Variants in CHCHD3 observed in about 807,000 individuals in gnomAD.
CHCHD3 encodes coiled-coil-helix-coiled-coil-helix domain containing 3, also known as MICOS complex subunit MIC19.
A neutral mutation model predicts 38.2 loss-of-function variants in CHCHD3; 20 were observed. That is an observed-to-expected ratio of 0.52 (90% CI 0.37 to 0.76). The LOEUF (loss-of-function observed/expected upper bound fraction) is 0.76, where lower values mean the gene tolerates loss of function less well. Among genes scored for constraint, CHCHD3 ranks in the 30% least tolerant of loss-of-function variants. The pLI is 0.00. For synonymous variants in CHCHD3, 82 were observed against 100.0 expected (o/e 0.82, Z 1.07); for missense variants, 245 against 279.2 (o/e 0.88, Z 0.87).
chr7:133,081,088 A>C (rs923768358), intron 1 of CHCHD3, among the ~76,000 whole-genome samples: 1 of 152,188 alleles, frequency 6.6e-6, no homozygotes. Context: ...TATCAGGTGC[A>C]TGCAAAGGGC....
At chr7:132,928,689 T>TC (rs761143815) in intron 4 of CHCHD3, among the ~76,000 whole-genome samples, 8 of 151,972 alleles carry the variant, frequency 5.3e-5, no homozygotes, top group Non-Finnish European at 1.2e-4. Flanking sequence ...AGAGCAAGAC[T>TC]CCATCAAAAA....
chr7:132,851,244 T>C (rs1046843680), intron 5 of CHCHD3, among the ~76,000 whole-genome samples: 10 of 152,214 alleles, frequency 6.6e-5, no homozygotes, highest in Non-Finnish European at 1.2e-4. Flanking sequence ...CCTGGGCATG[T>C]ATAATTTTTA....
intron 5 of CHCHD3, among the ~76,000 whole-genome samples, chr7:132,841,410 A>C (rs1384507824): frequency 6.9e-6 from 1 of 145,476 alleles, no homozygotes; most frequent in African/African-American, 2.5e-5. Context: ...TCAAAAAAAA[A>C]AAAACAAACA....
intron 4 of CHCHD3, among the ~76,000 whole-genome samples, chr7:132,893,640 A>G (rs569103292): frequency 6.6e-6 from 1 of 152,296 alleles, no homozygotes; most frequent in South Asian, 2.1e-4. Flanking sequence ...AATCTCCATA[A>G]TCTCCACGTG....
chr7:132,796,650 T>A, intron 6 of CHCHD3, 73 bp from the exon 7 acceptor site: 1 of 1,343,792 alleles, frequency 7.4e-7, no homozygotes, highest in Non-Finnish European at 1.0e-6. Flanking sequence ...AAAGAACACA[T>A]AAAACGCACA....
rs1813633755 is a variant in CHCHD3, at chr7:133,035,190, G to A, written c.170-10563C>T. The A allele has an allele frequency of 1.2e-6, 2 of 1,613,696 alleles. No homozygotes were observed. The highest frequency in any genetic ancestry group is 1.7e-6 in the Non-Finnish European group (2 of 1,179,706). On this transcript the variant is annotated intron_variant, in intron 2 of 7. Transcript: ENST00000262570. This position sits in a 1 kb window ranked among gnomAD's most constrained non-coding sequence, Gnocchi z 4.7. Reference sequence around the variant, plus strand: ...TTTCTCCTCCTTCCGCTCAGCCTGGGGCTTCTGCTTCTCTTCCCGTGAACC... The same window carrying A: ...TTTCTCCTCCTTCCGCTCAGCCTGGAGCTTCTGCTTCTCTTCCCGTGAACC...
At chr7:133,015,271 A>T (rs930302984) in intron 3 of CHCHD3, among the ~76,000 whole-genome samples, 3 of 152,060 alleles carry the variant, frequency 2.0e-5, no homozygotes, top group African/African-American at 7.2e-5. Flanking sequence ...TGAACCCAGG[A>T]GGCGGAGGTT....
intron 3 of CHCHD3, among the ~76,000 whole-genome samples, chr7:132,992,082 G>A (rs1353812822): frequency 6.6e-6 from 1 of 152,148 alleles, no homozygotes; most frequent in Non-Finnish European, 1.5e-5. Context: ...GTCCCTACTA[G>A]GACCCATCAA....
At chr7:132,812,213 T>C (rs1248655995) in intron 6 of CHCHD3, among the ~76,000 whole-genome samples, 12 of 138,034 alleles carry the variant, frequency 8.7e-5, no homozygotes, top group African/African-American at 1.4e-4. Flanking sequence ...TTTTTTTTTT[T>C]TTTTTTTTTT....
At chr7:132,986,803 G>A (rs1434338926) in intron 3 of CHCHD3, among the ~76,000 whole-genome samples, 1 of 152,222 alleles carries the variant, frequency 6.6e-6, no homozygotes, top group African/African-American at 2.4e-5. Flanking sequence ...CAAGTACAAA[G>A]ATTTAAGATA....
In CHCHD3 at chr7:133,035,435, G is replaced by A; in HGVS notation, c.170-10808C>T. 6.2e-7 allele frequency: 1 copy of A among 1,613,530 alleles called. No homozygotes were observed. The highest frequency in any genetic ancestry group is 8.5e-7 in the Non-Finnish European group (1 of 1,179,504). On this transcript the variant is annotated intron_variant, in intron 2 of 7. Coordinates refer to ENST00000262570, the MANE Select transcript of CHCHD3 (RefSeq NM_017812.4). The surrounding 1 kb of genome is among the most constrained non-coding windows in gnomAD (Gnocchi z 4.7). ...GCCACAACAGGGTGCAGACAACTGT[G>A]ATGTCAGCCAATGTCACTCGTTCGC...
At chr7:133,056,388 C>G (rs1223130300) in intron 2 of CHCHD3, among the ~76,000 whole-genome samples, 1 of 152,126 alleles carries the variant, frequency 6.6e-6, no homozygotes, top group Non-Finnish European at 1.5e-5. Flanking sequence ...TCCTCGCCCC[C>G]ACCACCAATT....
Position 132,988,284 on chromosome 7 carries a change from T to TACAC in CHCHD3, c.252-13002_252-12999dup, listed in dbSNP as rs753504672. Reference sequence around the variant, plus strand: ...TCAGAGCCTGCATTCTTACAGAAAATACACACACACACACACCCACACACA... The same window carrying TACAC: ...TCAGAGCCTGCATTCTTACAGAAAATACACACACACACACACACACCCACACACA... On this transcript the variant is annotated intron_variant, in intron 3 of 7. Transcript: ENST00000262570. 9.9e-4 allele frequency among the ~76,000 whole-genome samples: 141 copies of TACAC among 142,258 alleles called. No individual in the cohort carries two copies. The East Asian group carries it at 0.024, about 24-fold the overall frequency. The allele number at this position is 142,258 out of a possible 152,430, so 93.3% of individuals were successfully genotyped here. A position where few individuals can be genotyped will look rare whatever the true frequency, so the allele number is the denominator to read the frequency against.
intron 5 of CHCHD3, among the ~76,000 whole-genome samples, chr7:132,850,969 T>C (rs1808207380): frequency 1.3e-5 from 2 of 152,190 alleles, no homozygotes; most frequent in Admixed American, 1.3e-4. Flanking sequence ...TAGCTATTTG[T>C]GTCAGACAAT....
At chr7:132,970,083 C>T (rs1811574280) in intron 4 of CHCHD3, among the ~76,000 whole-genome samples, 1 of 152,132 alleles carries the variant, frequency 6.6e-6, no homozygotes, top group South Asian at 2.1e-4. Flanking sequence ...AGGGTTAAGT[C>T]GTGAATCCCC....
At chr7:133,027,387 A>AGAGAGAGAG in intron 2 of CHCHD3, among the ~76,000 whole-genome samples, 1 of 59,306 alleles carries the variant, frequency 1.7e-5, no homozygotes, top group South Asian at 1.1e-3. Context: ...GAGAGAGAGA[A>AGAGAGAGAG]AGAGAGAGAG....
rs144774733 is a variant in CHCHD3, at chr7:132,992,284, G to A, written c.252-16998C>T. Among the ~76,000 whole-genome samples, 537 of 152,192 alleles carry A rather than the reference G, an allele frequency of 3.5e-3. 5 individuals carry two copies. The highest frequency in any genetic ancestry group is 0.013 in the African/African-American group (525 of 41,508). Reference sequence around the variant, plus strand: ...AATCAGCCTCAGTGCACCCCATTCTGGAGACACTGACCCTACCTACTGGCA... The same window carrying A: ...AATCAGCCTCAGTGCACCCCATTCTAGAGACACTGACCCTACCTACTGGCA... On this transcript the variant is annotated intron_variant, in intron 3 of 7. Coordinates refer to ENST00000262570, the MANE Select transcript of CHCHD3 (RefSeq NM_017812.4).
chr7:132,974,127 A>G, intron 4 of CHCHD3: 1 of 861,274 alleles, frequency 1.2e-6, no homozygotes, highest in East Asian at 6.4e-5. Flanking sequence ...ATGTTCAGTG[A>G]CATAGGAAAA....
chr7:132,979,350 C>A (rs1811856399), intron 3 of CHCHD3, among the ~76,000 whole-genome samples: 2 of 152,098 alleles, frequency 1.3e-5, no homozygotes, highest in East Asian at 3.9e-4. Flanking sequence ...CACTGGAATT[C>A]ATAAATTTAT....
Sources: gnomAD v4.1 joint callset for allele counts (sites outside exome capture counted in the v4.1 genomes callset) on GRCh38, gnomAD v4.1.1 for gene constraint, Gnocchi (gnomAD v3.1) non-coding constraint, MANE v1.5 for transcripts, NCBI Gene and HGNC (gene_info 2026-07-23, HGNC 2026-07-21) for gene names.